RIMS2: variants seen among roughly 807,000 people sequenced by gnomAD.
The protein encoded by RIMS2 is regulating synaptic membrane exocytosis protein 2.
In RIMS2, 59 loss-of-function variants were observed where a neutral mutation model predicts 174.4. The ratio of observed to expected loss-of-function variants is 0.34; its 90% confidence interval spans 0.27 to 0.42. The LOEUF (loss-of-function observed/expected upper bound fraction) is 0.42, where lower values mean the gene tolerates loss of function less well. Ranked by LOEUF, RIMS2 falls within the 10% of genes least tolerant of loss-of-function variation. The pLI, the probability that RIMS2 is intolerant of heterozygous loss-of-function variation, is 1.00. For missense variants in RIMS2, 1,620 were observed against 1,666.3 expected (o/e 0.97, Z 0.48); for synonymous variants, 606 against 572.5 (o/e 1.06, Z -0.84).
intron 3 of RIMS2, among the ~76,000 whole-genome samples, chr8:103,804,617 G>A (rs1223892593): frequency 6.6e-6 from 1 of 152,138 alleles, no homozygotes; most frequent in African/African-American, 2.4e-5. Flanking sequence ...CTTATTTCTA[G>A]GAGGAATAGA....
intron 19 of RIMS2, among the ~76,000 whole-genome samples, chr8:104,183,599 A>C (rs1178391856): frequency 1.3e-5 from 2 of 151,482 alleles, no homozygotes; most frequent in Non-Finnish European, 3.0e-5. Flanking sequence ...ATAAACTTTG[A>C]CTTTTTTTAG....
intron 1 of RIMS2, among the ~76,000 whole-genome samples, chr8:103,608,691 T>A (rs1341820055): frequency 6.6e-6 from 1 of 152,038 alleles, no homozygotes; most frequent in Admixed American, 6.5e-5. Flanking sequence ...TATAATCTCA[T>A]GGTGCGCCGT....
chr8:104,113,820 G>T (rs1444418006), intron 19 of RIMS2, among the ~76,000 whole-genome samples: 2 of 151,530 alleles, frequency 1.3e-5, no homozygotes, highest in Non-Finnish European at 2.9e-5. Context: ...AATAGAACAG[G>T]CTACTCCCCC....
At chr8:103,925,660 TA>T (rs5893669) in intron 10 of RIMS2, among the ~76,000 whole-genome samples, 19,184 of 151,548 alleles carry the variant, frequency 0.13, 1,677 homozygotes, top group Non-Finnish European at 0.19. Context: ...GAATTAATAG[TA>T]ATTACAAATT....
chr8:103,600,595 G>T (rs1247200416), intron 1 of RIMS2, among the ~76,000 whole-genome samples: 1 of 152,146 alleles, frequency 6.6e-6, no homozygotes, highest in Non-Finnish European at 1.5e-5. Context: ...CCATTCATCT[G>T]TTGATGGATG....
chr8:103,633,794 T>C (rs2096006095), intron 1 of RIMS2, among the ~76,000 whole-genome samples: 1 of 152,202 alleles, frequency 6.6e-6, no homozygotes, highest in Non-Finnish European at 1.5e-5. Context: ...ATCCATCTCT[T>C]CTGAGTTATT....
chr8:104,003,312 A>T (rs191472958), intron 17 of RIMS2, among the ~76,000 whole-genome samples: 119 of 152,334 alleles, frequency 7.8e-4, no homozygotes, highest in African/African-American at 2.6e-3. Flanking sequence ...AGGGTCACAG[A>T]AGTAATAAAT....
intron 1 of RIMS2, among the ~76,000 whole-genome samples, chr8:103,590,277 C>T: frequency 6.6e-6 from 1 of 151,356 alleles, no homozygotes; most frequent in East Asian, 1.9e-4. Context: ...CACCAAAAAA[C>T]TGTTAGAACT....
At chr8:103,527,367 C>A (rs1198809420) in intron 1 of RIMS2, among the ~76,000 whole-genome samples, 1 of 152,140 alleles carries the variant, frequency 6.6e-6, no homozygotes, top group Non-Finnish European at 1.5e-5. Flanking sequence ...CTATGCACAT[C>A]ATCCAGTATA....
At chr8:103,977,246 C>A (rs554628390) in intron 16 of RIMS2, 1 of 152,116 alleles carries the variant, frequency 6.6e-6, no homozygotes, top group African/African-American at 2.4e-5. Flanking sequence ...ATTAAGTTGA[C>A]AAACATGGTT....
chr8:103,673,509 G>C (rs1396026611), intron 1 of RIMS2, among the ~76,000 whole-genome samples: 1 of 152,230 alleles, frequency 6.6e-6, no homozygotes, highest in Non-Finnish European at 1.5e-5. Context: ...CTATGTGGAA[G>C]CTGCCAAGAC....
intron 3 of RIMS2, among the ~76,000 whole-genome samples, chr8:103,866,937 T>A (rs2099087227): frequency 6.6e-6 from 1 of 152,006 alleles, no homozygotes; most frequent in Admixed American, 6.6e-5. Flanking sequence ...ATAGGATGAA[T>A]ATCTTGTCAT....
chr8:103,629,293 A>G (rs540049545), intron 1 of RIMS2, among the ~76,000 whole-genome samples: 2 of 152,354 alleles, frequency 1.3e-5, no homozygotes, highest in Non-Finnish European at 2.9e-5. Context: ...TAATCTGCAT[A>G]TGAAGTCCTG....
At position 103,558,067 on chromosome 8, in the gene RIMS2, TA is replaced by T. The variant is rs765762339; in HGVS notation, c.176+57006del. On this transcript the variant is annotated intron_variant, in intron 1 of 23. Coordinates refer to ENST00000504942, the Ensembl canonical transcript of RIMS2. ...CATAAAGTACCTTTATTTTTTATTT[TA>T]TTTTTTTAACAAGTCAGCAAACTAA... 2.4e-4 allele frequency among the ~76,000 whole-genome samples: 36 copies of T among 152,312 alleles called. No individual in the cohort carries two copies. The East Asian group carries it at 3.9e-3, about 16-fold the overall frequency.
intron 19 of RIMS2, among the ~76,000 whole-genome samples, chr8:104,096,741 G>A (rs950662836): frequency 2.0e-5 from 3 of 151,770 alleles, no homozygotes; most frequent in African/African-American, 7.3e-5. Context: ...GGTGGTGTGC[G>A]CCCATAGTCC....
At chr8:103,586,921 G>A (rs1210968282) in intron 1 of RIMS2, among the ~76,000 whole-genome samples, 2 of 151,980 alleles carry the variant, frequency 1.3e-5, no homozygotes, top group South Asian at 2.1e-4. Context: ...TGATATTGCA[G>A]ATATTTAAAG....
chr8:104,061,225 TCA>T lies in RIMS2; in HGVS notation c.3334+46611_3334+46612del, dbSNP rs370630256. 3.5e-4 allele frequency among the ~76,000 whole-genome samples: 53 copies of T among 152,288 alleles called. 1 individual carries two copies. The South Asian group carries it at 0.011, about 31-fold the overall frequency. Reference sequence around the variant, plus strand: ...GAGTCTAAGTCTCTTTGTAGGTCACTCAGGACTTGCTTTATGAATCTGGGTGC... The same window carrying T: ...GAGTCTAAGTCTCTTTGTAGGTCACTGGACTTGCTTTATGAATCTGGGTGC... On this transcript the variant is annotated intron_variant, in intron 19 of 23. Coordinates refer to ENST00000504942, the Ensembl canonical transcript of RIMS2.
chr8:103,913,891 T>C (rs752220750), intron 6 of RIMS2, among the ~76,000 whole-genome samples: 2 of 152,120 alleles, frequency 1.3e-5, no homozygotes, highest in Non-Finnish European at 2.9e-5. Flanking sequence ...ACCTCCAGCA[T>C]TGGGGATTAC....
intron 1 of RIMS2, among the ~76,000 whole-genome samples, chr8:103,556,863 G>A (rs1017750666): frequency 6.6e-6 from 1 of 151,998 alleles, no homozygotes; most frequent in African/African-American, 2.4e-5. Context: ...TGACAAAGCA[G>A]GGTTTGTCAT....
Sources: gnomAD v4.1 joint callset for allele counts (sites outside exome capture counted in the v4.1 genomes callset) on GRCh38, gnomAD v4.1.1 for gene constraint, MANE v1.5 for transcripts, NCBI Gene and HGNC (gene_info 2026-07-23, HGNC 2026-07-21) for gene names.